F13A1: variants seen among roughly 807,000 people sequenced by gnomAD.
F13A1 encodes the protein coagulation factor XIII A chain, also known as FSF, A subunit.
A neutral mutation model predicts 80.1 loss-of-function variants in F13A1; 47 were observed. That is an observed-to-expected ratio of 0.59 (90% CI 0.46 to 0.75). The LOEUF (loss-of-function observed/expected upper bound fraction) is 0.75. Ranked by LOEUF, F13A1 falls within the 30% of genes least tolerant of loss-of-function variation. The pLI is 0.00. For synonymous variants in F13A1, 349 were observed against 344.9 expected (o/e 1.01, Z -0.13); for missense variants, 817 against 930.4 (o/e 0.88, Z 1.59).
At position 6,265,273 on chromosome 6, in the gene F13A1, C is replaced by T. The variant is rs867241138; in HGVS notation, c.571+1285G>A. Among the ~76,000 whole-genome samples, 12 of 152,260 alleles carry T rather than the reference C, an allele frequency of 7.9e-5. No individual in the cohort carries two copies. The Middle Eastern group carries it at 0.014, about 173-fold the overall frequency. Reference sequence around the variant, plus strand: ...TTCAAAATCAGCAATAATATGGGCTCATTTTGGATGATGTTAGAGAGCAGT... The same window carrying T: ...TTCAAAATCAGCAATAATATGGGCTTATTTTGGATGATGTTAGAGAGCAGT... On this transcript the variant is annotated intron_variant, in intron 4 of 14. Transcript: ENST00000264870.
chr6:6,318,524 T>TATGCTCATACCTTGCAGGTTG lies in F13A1; in HGVS notation c.120_130+10dup. ...GACCCAGAGTGGTGGGGAAGGGGGG[T>TATGCTCATACCTTGCAGGTTG]ATGCTCATACCTTGCAGGTTGACGC... On this transcript the variant is annotated intron_variant, in intron 2 of 14. Coordinates refer to ENST00000264870, the MANE Select transcript of F13A1 (RefSeq NM_000129.4). The TATGCTCATACCTTGCAGGTTG allele has an allele frequency of 6.2e-7, 1 of 1,604,760 alleles. No individual in the cohort carries two copies.
chr6:6,261,160 G>C (rs1413998329), intron 4 of F13A1, among the ~76,000 whole-genome samples: 1 of 151,954 alleles, frequency 6.6e-6, no homozygotes, highest in African/African-American at 2.4e-5. Flanking sequence ...GTAGAGATGG[G>C]GTTTCACCAT....
intron 3 of F13A1, among the ~76,000 whole-genome samples, chr6:6,303,599 C>A (rs375559158): frequency 2.6e-5 from 4 of 152,280 alleles, no homozygotes; most frequent in Middle Eastern, 3.4e-3. Context: ...TTATTATTAA[C>A]TATAGTCACC....
intron 2 of F13A1, among the ~76,000 whole-genome samples, chr6:6,307,149 G>A (rs1758523938): frequency 6.6e-6 from 1 of 152,174 alleles, no homozygotes; most frequent in Admixed American, 6.5e-5. Flanking sequence ...CTGGCACTAT[G>A]CCTGGCACAT....
At chr6:6,275,392 C>T (rs1282646454) in intron 3 of F13A1, among the ~76,000 whole-genome samples, 10 of 152,024 alleles carry the variant, frequency 6.6e-5, no homozygotes, top group Non-Finnish European at 1.0e-4. Flanking sequence ...TGTTTGGAGA[C>T]GGAGTCTTGC....
rs78619298 is a variant in F13A1, at chr6:6,223,667, A to G, written c.973+1019T>C. Reference sequence around the variant, plus strand: ...GTTTGATACTATGGGAAAATAAAACAAAACAAAACTCATGACTTTTTTTTT... The same window carrying G: ...GTTTGATACTATGGGAAAATAAAACGAAACAAAACTCATGACTTTTTTTTT... On this transcript the variant is annotated intron_variant, in intron 7 of 14. Transcript: ENST00000264870. Among the ~76,000 whole-genome samples the G allele has an allele frequency of 1.2e-3, 189 of 152,316 alleles. 1 individual carries two copies. The East Asian group carries it at 0.035, about 28-fold the overall frequency.
intron 6 of F13A1, among the ~76,000 whole-genome samples, 165 bp downstream of exon 6, chr6:6,248,147 C>T (rs537412317): frequency 1.3e-5 from 2 of 152,298 alleles, no homozygotes; most frequent in East Asian, 3.9e-4. Context: ...ACATGATAAG[C>T]TCAGAAAATT....
intron 13 of F13A1, among the ~76,000 whole-genome samples, chr6:6,155,069 G>A (rs1387471891): frequency 6.6e-6 from 1 of 152,172 alleles, no homozygotes; most frequent in Non-Finnish European, 1.5e-5. Flanking sequence ...ATATGGGCAT[G>A]TATTTTTAGG....
At position 6,207,819 on chromosome 6, in the gene F13A1, T is replaced by C. The variant is rs376467481; in HGVS notation, c.1113-10493A>G. On this transcript the variant is annotated intron_variant, in intron 8 of 14. Coordinates refer to ENST00000264870, the MANE Select transcript of F13A1 (RefSeq NM_000129.4). ...CTAACTCAGCTCACTTCAGTGGCCA[T>C]ACATGACAAGAAAAACAGACTTCAT... is the stretch of plus-strand genomic sequence containing the variant. Among the ~76,000 whole-genome samples, 21 of 152,300 alleles carry C rather than the reference T, an allele frequency of 1.4e-4. No individual in the cohort carries two copies. In the East Asian group the frequency reaches 3.7e-3, roughly 27 times the overall value.
At position 6,318,420 on chromosome 6, in the gene F13A1, G is replaced by A. The variant is rs1264369508; in HGVS notation, c.130+115C>T. On this transcript the variant is annotated intron_variant, in intron 2 of 14. Coordinates refer to ENST00000264870, the MANE Select transcript of F13A1 (RefSeq NM_000129.4). ...TTATAAAACCAGAGATTGGCAGGGG[G>A]CTTCCTTTTGTGGGAACCCCAGTGG... 20 of 1,278,526 alleles carry A rather than the reference G, an allele frequency of 1.6e-5. No homozygotes were observed. In the South Asian group the frequency reaches 3.0e-4, roughly 19 times the overall value. 79.2% of individuals were successfully genotyped at this position (1,278,526 alleles called of 1,614,324 possible).
chr6:6,314,414 C>T (rs954628572), intron 2 of F13A1, among the ~76,000 whole-genome samples: 11 of 152,174 alleles, frequency 7.2e-5, no homozygotes, highest in African/African-American at 2.7e-4. Context: ...GCCATCTTTT[C>T]CCAGGCTTAT....
intron 10 of F13A1, among the ~76,000 whole-genome samples, chr6:6,190,219 C>T (rs1395215130): frequency 3.3e-5 from 5 of 152,174 alleles, no homozygotes; most frequent in Non-Finnish European, 7.3e-5. Context: ...CTTCTTCTCT[C>T]AGCTCGTCAA....
At chr6:6,230,681 GTGTCC>G (rs1217966595) in intron 6 of F13A1, among the ~76,000 whole-genome samples, 1 of 152,152 alleles carries the variant, frequency 6.6e-6, no homozygotes, top group East Asian at 1.9e-4. Context: ...AACCCTAACA[GTGTCC>G]ATTGTACCCC....
chr6:6,294,223 C>T (rs1758280433), intron 3 of F13A1, among the ~76,000 whole-genome samples: 1 of 152,046 alleles, frequency 6.6e-6, no homozygotes, highest in African/African-American at 2.4e-5. Context: ...ACATTTGAGT[C>T]AGTGGGCTGG....
chr6:6,184,378 G>A (rs759867439), intron 10 of F13A1, among the ~76,000 whole-genome samples: 13 of 152,248 alleles, frequency 8.5e-5, no homozygotes, highest in Non-Finnish European at 1.8e-4. Context: ...TGAGTGGTGA[G>A]ATGGTTCCAC....
In F13A1 at chr6:6,315,615, G is replaced by A. The variant is rs3024332; in HGVS notation, c.130+2920C>T. 8.1e-3 allele frequency among the ~76,000 whole-genome samples: 1,228 copies of A among 152,202 alleles called. 13 individuals are homozygous for A. The highest frequency in any genetic ancestry group is 0.028 in the African/African-American group (1,152 of 41,512). ...GAACACTGTATATATCACACACAGT[G>A]ATGGGCAGGACTCACTGCTACAGAA... On this transcript the variant is annotated intron_variant, in intron 2 of 14. Transcript: ENST00000264870.
At chr6:6,244,325 TG>T (rs1174798657) in intron 6 of F13A1, among the ~76,000 whole-genome samples, 16 of 152,248 alleles carry the variant, frequency 1.1e-4, no homozygotes, top group Admixed American at 2.0e-4. Context: ...AGTATAACTG[TG>T]GGCAAGTTTC....
intron 8 of F13A1, among the ~76,000 whole-genome samples, chr6:6,212,819 C>T (rs759296116): frequency 3.9e-5 from 6 of 151,992 alleles, no homozygotes; most frequent in Admixed American, 2.0e-4. Context: ...ATAACCAATA[C>T]AGAGAAGTGC....
intron 4 of F13A1, 92 bp downstream of exon 4, chr6:6,266,466 C>T (rs1167399584): frequency 1.3e-6 from 2 of 1,588,002 alleles, no homozygotes; most frequent in Non-Finnish European, 1.7e-6. Context: ...CCCATCTTGG[C>T]CTCCCAAAGA....
Sources: gnomAD v4.1 joint callset for allele counts (sites outside exome capture counted in the v4.1 genomes callset) on GRCh38, gnomAD v4.1.1 for gene constraint, MANE v1.5 for transcripts, NCBI Gene and HGNC (gene_info 2026-07-23, HGNC 2026-07-21) for gene names.